GRM5: variants seen among roughly 807,000 people sequenced by gnomAD.
The protein encoded by GRM5 is glutamate metabotropic receptor 5.
In GRM5, 19 loss-of-function variants were observed where a neutral mutation model predicts 83.1. That is an observed-to-expected ratio of 0.23 (90% confidence interval 0.16 to 0.34). GRM5 has a LOEUF of 0.34. GRM5 is among the 10% of genes least tolerant of loss of function. GRM5 has a pLI of 1.00. For synonymous variants in GRM5, 675 were observed against 633.6 expected, an observed-to-expected ratio of 1.07 and a Z score of -0.98; for missense variants, 1,160 against 1,588.3, an observed-to-expected ratio of 0.73 and a Z score of 4.58.
At chr11:88,790,809 C>G (rs1289496951) in intron 3 of GRM5, among the ~76,000 whole-genome samples, 1 of 152,098 alleles carries the variant, frequency 6.6e-6, no homozygotes, top group Non-Finnish European at 1.5e-5. Flanking sequence ...TAAAAATGAA[C>G]ACAGTAGAAG....
At chr11:88,544,069 T>G (rs1325409965) in intron 8 of GRM5, among the ~76,000 whole-genome samples, 1 of 151,888 alleles carries the variant, frequency 6.6e-6, no homozygotes, top group African/African-American at 2.4e-5. Flanking sequence ...TCACTCTCTC[T>G]CTCTCTCACA....
At chr11:88,776,835 TG>T (rs1004915429) in intron 3 of GRM5, among the ~76,000 whole-genome samples, 4 of 152,220 alleles carry the variant, frequency 2.6e-5, no homozygotes, top group African/African-American at 9.6e-5. Flanking sequence ...CTTCCCTTTG[TG>T]GGTAACTTGA....
Position 88,567,778 on chromosome 11 carries a change from G to A in GRM5, c.1905C>T (p.Leu635=). The change falls in exon 8 of 10, where the codon CTC becomes CTT. Residue 635 remains leucine, a synonymous_variant. Transcript: ENST00000305447. The surrounding 1 kb of genome is among the most constrained non-coding windows in gnomAD (Gnocchi z 7.3). Reference sequence around the variant, plus strand: ...AGTAAATCTGTTTGGGCTTCGCAATGAGGCAGAAGGTACATAAGTAGCCCA... The same window carrying A: ...AGTAAATCTGTTTGGGCTTCGCAATAAGGCAGAAGGTACATAAGTAGCCCA... ...ICLGYLCTFC[L]IAKPKQIYCY... The A allele has an allele frequency of 6.2e-7, 1 of 1,613,968 alleles. No individual in the cohort carries two copies. The highest frequency in any genetic ancestry group is 8.5e-7 in the Non-Finnish European group (1 of 1,179,828).
chr11:88,987,851 C>A (rs1392557805), intron 2 of GRM5, among the ~76,000 whole-genome samples: 1 of 151,264 alleles, frequency 6.6e-6, no homozygotes, highest in African/African-American at 2.4e-5. Context: ...ACACCAAAAA[C>A]CCATCTGTAC....
At chr11:88,790,410 C>A (rs960364262) in intron 3 of GRM5, among the ~76,000 whole-genome samples, 3 of 152,094 alleles carry the variant, frequency 2.0e-5, no homozygotes, top group Non-Finnish European at 2.9e-5. Context: ...TTTTTAAAAA[C>A]TATGCATGAA....
At chr11:88,705,142 T>C (rs1453274817) in intron 3 of GRM5, among the ~76,000 whole-genome samples, 2 of 152,044 alleles carry the variant, frequency 1.3e-5, no homozygotes, top group Non-Finnish European at 2.9e-5. Flanking sequence ...AAGCAGAATA[T>C]CTGAGACTCA....
intron 3 of GRM5, among the ~76,000 whole-genome samples, chr11:88,655,875 T>A (rs1158663265): frequency 1.3e-5 from 2 of 152,010 alleles, no homozygotes; most frequent in Non-Finnish European, 2.9e-5. Context: ...CAAAACAGGG[T>A]CATTCTATTT....
chr11:88,765,129 A>G (rs1472444522), intron 3 of GRM5, among the ~76,000 whole-genome samples: 1 of 151,564 alleles, frequency 6.6e-6, no homozygotes, highest in East Asian at 1.9e-4. Context: ...ACAAACACAC[A>G]AAACCTCCAA....
chr11:88,915,988 T>C (rs1187384801), intron 2 of GRM5, among the ~76,000 whole-genome samples: 2 of 152,310 alleles, frequency 1.3e-5, no homozygotes, highest in East Asian at 3.9e-4. Flanking sequence ...CCTGAAAGGC[T>C]ATGGTCACAA....
At chr11:88,540,144 C>T (rs1942232593) in intron 8 of GRM5, among the ~76,000 whole-genome samples, 1 of 152,156 alleles carries the variant, frequency 6.6e-6, no homozygotes, top group South Asian at 2.1e-4. Context: ...TTCTATCATA[C>T]ACAGAAGTTC....
intron 2 of GRM5, among the ~76,000 whole-genome samples, chr11:88,854,627 A>G (rs1364932049): frequency 6.6e-6 from 1 of 151,952 alleles, no homozygotes; most frequent in African/African-American, 2.4e-5. Context: ...TGGGGACCCC[A>G]AAAGGGAAGA....
rs57784199 is a variant in GRM5 at position 88,976,859 on chromosome 11, CA to C, written c.661+70352del. On this transcript the variant is annotated intron_variant, in intron 2 of 9. Transcript: ENST00000305447. ...TTCCTCCAACTCTTTTCTATAAATA[CA>C]AAAAAAAAATACTTAGATATGCTAT... Among the ~76,000 whole-genome samples, 1,374 of 148,984 alleles carry C rather than the reference CA, an allele frequency of 9.2e-3. 21 individuals are homozygous for C. Among genetic ancestry groups the C allele is most frequent in the African/African-American group, 0.031 (1,271 of 40,824 alleles).
chr11:88,581,187 A>G (rs186558999), intron 7 of GRM5, among the ~76,000 whole-genome samples: 1 of 152,300 alleles, frequency 6.6e-6, no homozygotes, highest in Admixed American at 6.5e-5. Context: ...TTCTTCATTC[A>G]TTCTTAAATC....
chr11:89,010,866 A>G (rs1940674845), intron 2 of GRM5, among the ~76,000 whole-genome samples: 1 of 151,978 alleles, frequency 6.6e-6, no homozygotes, highest in Non-Finnish European at 1.5e-5. Context: ...AAGCAAAGCT[A>G]ATATCTGCAG....
At chr11:88,593,676 C>CAA (rs1555075002) in intron 6 of GRM5, among the ~76,000 whole-genome samples, 4,396 of 132,844 alleles carry the variant, frequency 0.033, 225 homozygotes, top group African/African-American at 0.11. Context: ...GACTCCGTCT[C>CAA]AAAAAAAAAA....
intron 4 of GRM5, among the ~76,000 whole-genome samples, chr11:88,633,446 G>A (rs1310160522): frequency 6.6e-6 from 1 of 151,948 alleles, no homozygotes; most frequent in African/African-American, 2.4e-5. Flanking sequence ...GTCATGAATG[G>A]GTTTTCATGT....
chr11:89,035,863 A>AT (rs953884155), intron 2 of GRM5, among the ~76,000 whole-genome samples: 8 of 151,728 alleles, frequency 5.3e-5, no homozygotes, highest in East Asian at 1.9e-4. Context: ...GGTCCATGTT[A>AT]TTTTTTTTGG....
chr11:88,950,865 G>A (rs1432373064), intron 2 of GRM5, among the ~76,000 whole-genome samples: 1 of 152,170 alleles, frequency 6.6e-6, no homozygotes, highest in African/African-American at 2.4e-5. Flanking sequence ...TAATTCACAG[G>A]TTTGTCGTTA....
chr11:89,018,279 C>T (rs201197532), intron 2 of GRM5, among the ~76,000 whole-genome samples: 2 of 151,984 alleles, frequency 1.3e-5, no homozygotes, highest in African/African-American at 2.4e-5. Flanking sequence ...AAATCCAACC[C>T]CCAGAATAGA....
Sources: gnomAD v4.1 joint callset for allele counts (sites outside exome capture counted in the v4.1 genomes callset) on GRCh38, gnomAD v4.1.1 for gene constraint, Gnocchi (gnomAD v3.1) non-coding constraint, MANE v1.5 for transcripts, NCBI Gene and HGNC (gene_info 2026-07-23, HGNC 2026-07-21) for gene names.